The following MPP1 variants were observed in gnomAD, a reference collection of about 807,000 sequenced individuals.
The protein encoded by MPP1 is MAGUK p55 scaffold protein 1, also known as 55 kDa erythrocyte membrane protein.
In MPP1, 6 loss-of-function variants were observed where a neutral mutation model predicts 38.2. The ratio of observed to expected loss-of-function variants is 0.16; its 90% CI spans 0.09 to 0.31. The LOEUF (loss-of-function observed/expected upper bound fraction) is 0.31. Among genes scored for constraint, MPP1 ranks in the 10% least tolerant of loss-of-function variants. The pLI, the probability that MPP1 is intolerant of heterozygous loss-of-function variation, is 1.00. For synonymous variants in MPP1, 153 were observed against 146.3 expected, an observed-to-expected ratio of 1.05 and a Z score of -0.33; for missense variants, 293 against 368.9, an observed-to-expected ratio of 0.79 and a Z score of 1.69.
intron 1 of MPP1, among the ~76,000 whole-genome samples, chrX:154,793,658 T>TAA (rs1234506017): frequency 1.8e-5 from 2 of 111,988 alleles, no homozygotes; most frequent in Admixed American, 1.9e-4. Flanking sequence ...CAGTACTCTT[T>TAA]AAAAAATATT....
rs782590755 is a variant in MPP1 at position 154,785,048 on chromosome X, T to C, written c.784+3A>G. 8.3e-7 allele frequency: 1 copy of C among 1,207,338 alleles called. No homozygotes were observed. Among genetic ancestry groups the C allele is most frequent in the African/African-American group, 1.7e-5 (1 of 57,230 alleles). ...CTGGGGCAAGAAGGCTCAGAAAGCT[T>C]ACTCGAGCTGTGCTTGGCCAGATAT... On this transcript the variant is annotated splice_donor_region_variant and intron_variant, in intron 7 of 11. Transcript: ENST00000369534.
At chrX:154,799,915 A>C in intron 1 of MPP1, 2 of 1,128,574 alleles carry the variant, frequency 1.8e-6, no homozygotes, top group Non-Finnish European at 2.4e-6. Flanking sequence ...AAAGAGATGA[A>C]AAACAAACTT....
rs782269714 is a variant in MPP1, at chrX:154,779,002, A to G, written c.*175T>C. 3 of 462,797 alleles carry G rather than the reference A, an allele frequency of 6.5e-6. No homozygotes were observed. Among genetic ancestry groups the G allele is most frequent in the Non-Finnish European group, 1.0e-5 (3 of 286,947 alleles). The allele number at this position is 462,797 out of a possible 1,213,427, so 38.1% of individuals were successfully genotyped here. A position where few individuals can be genotyped will look rare whatever the true frequency, so the allele number is the denominator to read the frequency against. On this transcript the variant is annotated 3_prime_UTR_variant, in exon 12 of 12. Transcript: ENST00000369534. ...GGGGCCCCATCTATCAGGAGAATCA[A>G]CCCTTCAGGAGCCTGAGCAAGAAGA...
chrX:154,793,654 T>A (rs2072166268), intron 1 of MPP1, among the ~76,000 whole-genome samples: 1 of 112,087 alleles, frequency 8.9e-6, no homozygotes, highest in Non-Finnish European at 1.9e-5. Context: ...CAGCCAGTAC[T>A]CTTTAAAAAA....
intron 9 of MPP1, 116 bp from the exon 10 acceptor site, chrX:154,781,918 C>T: frequency 1.5e-6 from 1 of 686,641 alleles, no homozygotes; most frequent in Non-Finnish European, 2.2e-6. Context: ...GACTTTAATA[C>T]AGGGGTTCCT....
intron 1 of MPP1, among the ~76,000 whole-genome samples, chrX:154,803,724 C>A (rs1221328809): frequency 1.8e-5 from 2 of 112,432 alleles, no homozygotes; most frequent in Non-Finnish European, 3.8e-5. Flanking sequence ...AATGTTTATT[C>A]TTTGTCATGA....
intron 5 of MPP1, among the ~76,000 whole-genome samples, chrX:154,786,961 G>C (rs1217022196): frequency 1.9e-5 from 2 of 104,157 alleles, no homozygotes; most frequent in African/African-American, 7.1e-5. Context: ...CGTGTCCACA[G>C]TTACTGCTGG....
intron 4 of MPP1, among the ~76,000 whole-genome samples, 186 bp from the exon 5 acceptor site, chrX:154,790,208 C>T (rs1234449704): frequency 9.0e-6 from 1 of 111,117 alleles, no homozygotes; most frequent in Admixed American, 9.6e-5. Flanking sequence ...TGAAGACATG[C>T]AAAGAGTAAC....
At chrX:154,799,104 T>C (rs2072233606) in intron 1 of MPP1, among the ~76,000 whole-genome samples, 1 of 112,100 alleles carries the variant, frequency 8.9e-6, no homozygotes, top group South Asian at 3.7e-4. Context: ...AATTAAAGAC[T>C]CAGCAAAGCT....
chrX:154,781,370 A>G (rs1353746766), intron 10 of MPP1, 57 bp from the exon 11 acceptor site: 4 of 630,346 alleles, frequency 6.3e-6, no homozygotes, highest in Non-Finnish European at 9.0e-6. Flanking sequence ...AAGGAAAGTG[A>G]AAAAAAAAAA....
At chrX:154,795,357 C>T (rs1204491064) in intron 1 of MPP1, among the ~76,000 whole-genome samples, 2 of 111,548 alleles carry the variant, frequency 1.8e-5, no homozygotes, top group African/African-American at 6.5e-5. Flanking sequence ...AAAGGAGGTT[C>T]TGAGGGTGAT....
chrX:154,795,209 C>T (rs188555628), intron 1 of MPP1, among the ~76,000 whole-genome samples: 85 of 111,954 alleles, frequency 7.6e-4, no homozygotes, highest in African/African-American at 2.4e-3. Flanking sequence ...GAGAAACTGC[C>T]TTCTCTAGCA....
Position 154,781,612 on chromosome X carries a change from G to T in MPP1, c.1137C>A (p.Asp379Glu). ...IHKQNKIAILDIEPQTLKIVR... is the reference protein window; with the variant it reads ...IHKQNKIAILEIEPQTLKIVR... ...CATGCCTACCCACCTGGGGCTCAAT[G>T]TCAAGGATGGCAATCTTGTTCTGCT... The change falls in exon 10 of 12, where the codon GAC becomes GAA. Residue 379 changes from aspartate to glutamate, a missense_variant. Asp to Glu is a conservative substitution (Grantham distance 45). Coordinates refer to ENST00000369534, the MANE Select transcript of MPP1 (RefSeq NM_002436.4). The T allele has an allele frequency of 1.7e-6, 2 of 1,210,709 alleles. No homozygotes were observed. The highest frequency in any genetic ancestry group is 2.2e-6 in the Non-Finnish European group (2 of 895,341).
At chrX:154,785,937 G>A (rs1557267151) in intron 6 of MPP1, among the ~76,000 whole-genome samples, 1 of 112,194 alleles carries the variant, frequency 8.9e-6, no homozygotes, top group East Asian at 2.8e-4. Context: ...TCCCAGCACT[G>A]TCACGTGCTT....
chrX:154,803,689 CAG>C (rs1203610874), intron 1 of MPP1, among the ~76,000 whole-genome samples: 3 of 112,514 alleles, frequency 2.7e-5, no homozygotes, highest in South Asian at 7.3e-4. Context: ...CCAAGGGTCA[CAG>C]GGGAACTTCC....
intron 8 of MPP1, chrX:154,783,714 C>T: frequency 2.3e-6 from 1 of 434,208 alleles, no homozygotes; most frequent in South Asian, 3.5e-5. Flanking sequence ...AGGACTTACT[C>T]TGTTTCAGGT....
At chrX:154,796,364 C>T (rs2072198304) in intron 1 of MPP1, among the ~76,000 whole-genome samples, 1 of 111,224 alleles carries the variant, frequency 9.0e-6, no homozygotes, top group Admixed American at 9.6e-5. Context: ...CTCCTGACCG[C>T]AAGTGATCCA....
intron 3 of MPP1, 65 bp downstream of exon 3, chrX:154,791,704 C>T: frequency 9.9e-7 from 1 of 1,011,590 alleles, no homozygotes; most frequent in Non-Finnish European, 1.4e-6. Context: ...ATGCCCCACA[C>T]CACTGAACAG....
rs189562413 is a variant in MPP1, at chrX:154,799,929, G to A, written c.102+5343C>T. The stretch of plus-strand genomic sequence containing the variant: ...AAAAGAGATGAAAAACAAACTTGGC[G>A]GGGGGCGGGCGGTGGCGGGGGTGAA... On this transcript the variant is annotated intron_variant, in intron 1 of 11. Transcript: ENST00000369534. 1.4e-3 allele frequency: 1,590 copies of A among 1,122,209 alleles called. 19 individuals are homozygous for A. The East Asian group carries it at 0.03, about 21-fold the overall frequency. 92.5% of individuals were successfully genotyped at this position (1,122,209 alleles called of 1,213,427 possible).
Sources: allele counts gnomAD v4.1 joint callset (sites outside exome capture counted in the v4.1 genomes callset), GRCh38; gene constraint gnomAD v4.1.1; transcripts MANE v1.5; gene names NCBI Gene and HGNC (gene_info 2026-07-23, HGNC 2026-07-21).